ZNF143: variants seen among roughly 807,000 people sequenced by gnomAD.
The protein encoded by ZNF143 is SPH-binding factor.
ZNF143 carries 49 observed loss-of-function variants against 74.1 expected under a neutral mutation model. The observed-to-expected ratio is 0.66, with a 90% confidence interval of 0.53 to 0.84. The LOEUF (loss-of-function observed/expected upper bound fraction) is 0.84. Ranked by LOEUF, ZNF143 falls within the 40% of genes least tolerant of loss-of-function variation. The pLI, the probability that ZNF143 is intolerant of heterozygous loss-of-function variation, is 0.00. For synonymous variants in ZNF143, 304 were observed against 282.8 expected (o/e 1.07, Z -0.75); for missense variants, 637 against 793.4 (o/e 0.80, Z 2.37).
intron 1 of ZNF143, among the ~76,000 whole-genome samples, chr11:9,470,413 G>A (rs991939344): frequency 6.6e-6 from 1 of 152,132 alleles, no homozygotes; most frequent in African/African-American, 2.4e-5. Flanking sequence ...GAAGGATGGG[G>A]TTTACCATGA....
chr11:9,496,246 C>T (rs1361364506), intron 8 of ZNF143, 57 bp from the exon 9 acceptor site: 2 of 1,517,572 alleles, frequency 1.3e-6, no homozygotes, highest in Non-Finnish European at 1.8e-6. Flanking sequence ...TGTGTTGCAA[C>T]CATCTTCCTG....
chr11:9,492,993 G>A (rs1052046750), intron 7 of ZNF143, among the ~76,000 whole-genome samples: 2 of 151,800 alleles, frequency 1.3e-5, no homozygotes, highest in African/African-American at 4.8e-5. Context: ...AAAAAATGTG[G>A]AATTATATTA....
At position 9,516,281 on chromosome 11, in the gene ZNF143, C is replaced by G. The variant is rs1222919219; in HGVS notation, c.1605C>G (p.Val535=). 1.2e-6 allele frequency: 2 copies of G among 1,613,962 alleles called. No homozygotes were observed. Among genetic ancestry groups the G allele is most frequent in the African/African-American group, 2.7e-5 (2 of 74,922 alleles). ...CGCAGGATGGCACGCCCATCACAGT[C>G]CCCGCCCATGATGCAGTCATCTCCT... ...MVTQDGTPIT[V]PAHDAVISSA... is the part of the protein sequence containing the mutation. Residue 535 remains valine, a synonymous_variant, in exon 14 of 16, where the codon GTC becomes GTG. Transcript: ENST00000396602.
In ZNF143 at chr11:9,484,800, A is replaced by ATTTTTTTTTTTTTTTTTTTT. The variant is rs1381085964; in HGVS notation, c.645+5269_645+5270insTTTTTTTTTTTTTTTTTTTT. ...CGTGAGCCACCGCACCTGGCCAAAG[A>ATTTTTTTTTTTTTTTTTTTT]TTTTTTTTTTTTTTTGAGACGGAGT... On this transcript the variant is annotated intron_variant, in intron 7 of 15. Coordinates refer to ENST00000396602, the MANE Select transcript of ZNF143 (RefSeq NM_003442.6). Among the ~76,000 whole-genome samples, 15 of 67,000 alleles carry ATTTTTTTTTTTTTTTTTTTT rather than the reference A, an allele frequency of 2.2e-4. 1 individual carries two copies. The highest frequency in any genetic ancestry group is 2.5e-4 in the Non-Finnish European group (10 of 39,770). 44.0% of individuals were successfully genotyped at this position (67,000 alleles called of 152,430 possible).
chr11:9,505,756 G>C (rs1464737319), intron 11 of ZNF143, among the ~76,000 whole-genome samples: 1 of 151,490 alleles, frequency 6.6e-6, no homozygotes, highest in Non-Finnish European at 1.5e-5. Flanking sequence ...GTGGGCACCT[G>C]CAATCCCAGC....
At chr11:9,472,796 G>A in intron 3 of ZNF143, 27 bp downstream of exon 3, 2 of 1,494,558 alleles carry the variant, frequency 1.3e-6, no homozygotes, top group Admixed American at 2.3e-5. Flanking sequence ...TGGCTGATTG[G>A]TTAATACCAG....
intron 1 of ZNF143, among the ~76,000 whole-genome samples, chr11:9,468,340 C>G (rs377273832): frequency 2.6e-5 from 4 of 152,222 alleles, no homozygotes; most frequent in African/African-American, 9.6e-5. Context: ...TGTCTCTGCT[C>G]TCAGCTCTTT....
chr11:9,515,647 C>CT (rs1399385842), intron 13 of ZNF143, among the ~76,000 whole-genome samples: 19 of 127,410 alleles, frequency 1.5e-4, no homozygotes, highest in African/African-American at 5.4e-4. Flanking sequence ...GAGCGAGACT[C>CT]TGTCTCAAAA....
At chr11:9,511,638 ATG>A (rs1441125462) in intron 12 of ZNF143, among the ~76,000 whole-genome samples, 1 of 151,076 alleles carries the variant, frequency 6.6e-6, no homozygotes, top group East Asian at 2.0e-4. Flanking sequence ...TGGTTTCTCC[ATG>A]TTGGTCAGAC....
intron 14 of ZNF143, among the ~76,000 whole-genome samples, chr11:9,522,364 T>G (rs1372666868): frequency 6.6e-6 from 1 of 151,998 alleles, no homozygotes; most frequent in African/African-American, 2.4e-5. Flanking sequence ...AAGCTAGGAC[T>G]GCAGGTACAA....
chr11:9,505,878 C>CAAAAA (rs1177848404), intron 11 of ZNF143, among the ~76,000 whole-genome samples: 2 of 66,864 alleles, frequency 3.0e-5, no homozygotes, highest in South Asian at 5.6e-4. Context: ...GACTCCATAT[C>CAAAAA]AAAAAAAAAA....
chr11:9,511,973 G>A (rs991521802), intron 12 of ZNF143, among the ~76,000 whole-genome samples: 5 of 150,372 alleles, frequency 3.3e-5, no homozygotes, highest in African/African-American at 1.2e-4. Flanking sequence ...GGATGGTCTC[G>A]ATCTCCTGAC....
chr11:9,502,484 C>G (rs1448881493), intron 11 of ZNF143, among the ~76,000 whole-genome samples: 1 of 150,592 alleles, frequency 6.6e-6, no homozygotes, highest in African/African-American at 2.4e-5. Flanking sequence ...GTGGCGGGTG[C>G]CTATAGTCCC....
chr11:9,496,859 A>G (rs1847977363), intron 9 of ZNF143, among the ~76,000 whole-genome samples: 2 of 151,718 alleles, frequency 1.3e-5, no homozygotes, highest in African/African-American at 2.4e-5. Context: ...CGGCCTCCCA[A>G]AATGCTGGGA....
chr11:9,516,496 T>A, intron 14 of ZNF143, 134 bp downstream of exon 14: 1 of 806,690 alleles, frequency 1.2e-6, no homozygotes, highest in Non-Finnish European at 1.9e-6. Flanking sequence ...CTTAGCTACT[T>A]AACCCTCAGA....
In ZNF143 at chr11:9,473,354, G is replaced by A. The variant is rs182079218; in HGVS notation, c.205+585G>A. On this transcript the variant is annotated intron_variant, in intron 3 of 15. Transcript: ENST00000396602. Reference sequence around the variant, plus strand: ...TGCAGTGAGCCGAGATCACGCCATTGCACTCCGGCCTGGGCAACTAGAGCA... The same window carrying A: ...TGCAGTGAGCCGAGATCACGCCATTACACTCCGGCCTGGGCAACTAGAGCA... 1.2e-3 allele frequency among the ~76,000 whole-genome samples: 179 copies of A among 148,402 alleles called. 1 individual carries two copies. The Middle Eastern group carries it at 0.014, about 12-fold the overall frequency.
intron 5 of ZNF143, among the ~76,000 whole-genome samples, chr11:9,475,437 T>C (rs1203552975): frequency 6.6e-6 from 1 of 152,122 alleles, no homozygotes; most frequent in African/African-American, 2.4e-5. Context: ...TTTTTAAATT[T>C]TTATTTTCTG....
rs1856738450 is a variant in ZNF143 at position 9,474,005 on chromosome 11, T to C, written c.270T>C (p.His90=). ...ATGGTTCTGCGGCCTATGTTCAACA[T>C]GTACCCATACCTAAAAGTAGTAAGT... ...LEDGSAAYVQ[H]VPIPKSTGDS... is the part of the protein sequence containing the mutation. The change falls in exon 4 of 16, where the codon CAT becomes CAC. Residue 90 remains histidine (H), a synonymous_variant. Transcript: ENST00000396602. The C allele has an allele frequency of 3.1e-6, 5 of 1,613,340 alleles. No individual in the cohort carries two copies. The highest frequency in any genetic ancestry group is 1.3e-5 in the African/African-American group (1 of 74,938).
intron 13 of ZNF143, among the ~76,000 whole-genome samples, chr11:9,515,189 A>C (rs1455278687): frequency 2.0e-5 from 3 of 152,162 alleles, no homozygotes; most frequent in Non-Finnish European, 2.9e-5. Context: ...AGAGAGCATA[A>C]TAAGATTTTG....
Sources: gnomAD v4.1 joint callset for allele counts (sites outside exome capture counted in the v4.1 genomes callset) on GRCh38, gnomAD v4.1.1 for gene constraint, MANE v1.5 for transcripts, NCBI Gene and HGNC (gene_info 2026-07-23, HGNC 2026-07-21) for gene names.